Variants in ZMAT2 observed in about 807,000 individuals in gnomAD.
ZMAT2 encodes zinc finger matrin-type protein 2.
A neutral mutation model predicts 27.5 loss-of-function variants in ZMAT2; 5 were observed. The observed-to-expected ratio is 0.18, with a 90% CI of 0.10 to 0.38. The LOEUF (loss-of-function observed/expected upper bound fraction) is 0.38, where lower values mean the gene tolerates loss of function less well. Ranked by LOEUF, ZMAT2 falls within the 10% of genes least tolerant of loss-of-function variation. The pLI, the probability that ZMAT2 is intolerant of heterozygous loss-of-function variation, is 1.00. For missense variants in ZMAT2, 124 were observed against 243.9 expected, an observed-to-expected ratio of 0.51 and a Z score of 3.27; for synonymous variants, 76 against 78.6, an observed-to-expected ratio of 0.97 and a Z score of 0.17.
Position 140,704,363 on chromosome 5 carries a change from T to C in ZMAT2, c.311-63T>C. 1.9e-6 allele frequency: 3 copies of C among 1,543,760 alleles called. No individual in the cohort carries two copies. The South Asian group carries it at 3.7e-5, about 19-fold the overall frequency. On this transcript the variant is annotated intron_variant, in intron 4 of 5. Coordinates refer to ENST00000274712, the MANE Select transcript of ZMAT2 (RefSeq NM_144723.3). The stretch of plus-strand genomic sequence containing the variant: ...TGAGATGTCAGAGAAGTCAGGAAAA[T>C]AATTTTTGAGGGGCTGAGGATGTTG...
intron 3 of ZMAT2, 97 bp from the exon 4 acceptor site, chr5:140,703,821 T>C: frequency 8.7e-7 from 1 of 1,147,100 alleles, no homozygotes; most frequent in South Asian, 1.3e-5. Context: ...GCTTAACACT[T>C]CTAAAAAGAA....
chr5:140,703,170 C>G (rs1440074282), intron 3 of ZMAT2, among the ~76,000 whole-genome samples: 4 of 151,978 alleles, frequency 2.6e-5, no homozygotes, highest in Non-Finnish European at 4.4e-5. Context: ...AGCTCTCTCA[C>G]ATGCCTGTGG....
At chr5:140,700,669 G>T in intron 1 of ZMAT2, 150 bp from the exon 2 acceptor site, 1 of 1,279,404 alleles carries the variant, frequency 7.8e-7, no homozygotes, top group East Asian at 2.4e-5. Context: ...TCGGGTTGGG[G>T]TCTTGAGGCT....
chr5:140,703,831 A>G, intron 3 of ZMAT2, 87 bp from the exon 4 acceptor site: 1 of 1,230,382 alleles, frequency 8.1e-7, no homozygotes, highest in Non-Finnish European at 1.2e-6. Flanking sequence ...TCTAAAAAGA[A>G]GTTTACCTAA....
chr5:140,703,241 CT>C (rs34233013), intron 3 of ZMAT2, among the ~76,000 whole-genome samples: 133 of 138,694 alleles, frequency 9.6e-4, no homozygotes, highest in Middle Eastern at 3.8e-3. Context: ...TTTTTCTTTT[CT>C]TTTTTTTTTT....
intron 2 of ZMAT2, among the ~76,000 whole-genome samples, chr5:140,701,271 T>G (rs1381766137): frequency 2.6e-5 from 4 of 152,140 alleles, no homozygotes; most frequent in Non-Finnish European, 5.9e-5. Flanking sequence ...CTCTTTCCCT[T>G]GAAATTTCTT....
chr5:140,700,625 C>A, intron 1 of ZMAT2, 147 bp downstream of exon 1: 2 of 1,479,368 alleles, frequency 1.4e-6, no homozygotes, highest in Non-Finnish European at 1.8e-6. Context: ...AGTAATAGGC[C>A]TTGGCAGAGG....
Position 140,704,535 on chromosome 5 carries a change from T to C in ZMAT2, c.420T>C (p.Tyr140=), listed in dbSNP as rs1167969362. The change falls in exon 5 of 6, where the codon TAT becomes TAC. Residue 140 remains tyrosine (Y), a synonymous_variant. Transcript: ENST00000274712. The part of the protein sequence containing the change: ...KKKMEEKQKD[Y]DFEERMKELR... The stretch of plus-strand genomic sequence containing the variant: ...AGATGGAAGAGAAGCAGAAGGATTA[T>C]GATTTTGAGGAAAGGATGAAGGAGC... 3 of 1,613,934 alleles carry C rather than the reference T, an allele frequency of 1.9e-6. No homozygotes were observed. Among genetic ancestry groups the C allele is most frequent in the African/African-American group, 2.7e-5 (2 of 74,898 alleles).
At position 140,705,713 on chromosome 5, in the gene ZMAT2, T is replaced by C. The variant is rs1229146772; in HGVS notation, c.557T>C (p.Val186Ala). The C allele has an allele frequency of 3.1e-6, 5 of 1,613,998 alleles. No individual in the cohort carries two copies. Among genetic ancestry groups the C allele is most frequent in the Non-Finnish European group, 3.4e-6 (4 of 1,180,008 alleles). Residue 186 changes from valine (V) to alanine (A), a missense_variant, in exon 6 of 6, where the codon GTG becomes GCG. By Grantham distance (64) the Val-to-Ala change is moderately conservative. This residue lies in a region of ZMAT2 where 53 missense variants were observed against 82.3 expected (regional missense o/e 0.64). Transcript: ENST00000274712. Reference sequence around the variant, plus strand: ...GAGGAGGACGATGAGATGGCAGCTGTGATGGGCTTCTCTGGCTTTGGTTCC... The same window carrying C: ...GAGGAGGACGATGAGATGGCAGCTGCGATGGGCTTCTCTGGCTTTGGTTCC... ...TFEEDDEMAAVMGFSGFGSTK... is the reference protein window; with the variant it reads ...TFEEDDEMAAAMGFSGFGSTK...
intron 3 of ZMAT2, among the ~76,000 whole-genome samples, chr5:140,703,204 C>T (rs1385771466): frequency 2.6e-5 from 4 of 151,716 alleles, no homozygotes; most frequent in Non-Finnish European, 4.4e-5. Flanking sequence ...GTTCTTTGCC[C>T]CATAGACCTT....
intron 2 of ZMAT2, among the ~76,000 whole-genome samples, chr5:140,701,714 C>G (rs1422522278): frequency 6.6e-6 from 1 of 152,176 alleles, no homozygotes; most frequent in African/African-American, 2.4e-5. Context: ...AAAGTTGCTT[C>G]TAGTAATTCT....
rs754400349 is a variant in ZMAT2, at chr5:140,705,805, C to CGT, written c.*62_*63dup. The CGT allele has an allele frequency of 5.0e-4, 787 of 1,586,926 alleles. No individual in the cohort carries two copies. The highest frequency in any genetic ancestry group is 7.4e-4 in the East Asian group (33 of 44,354). Reference sequence around the variant, plus strand: ...TTGGCCTATGCTGGACCTAACTTTGCGTGTGTGTGTGTGTAGTAGGGGGTC... The same window carrying CGT: ...TTGGCCTATGCTGGACCTAACTTTGCGTGTGTGTGTGTGTGTAGTAGGGGGTC... On this transcript the variant is annotated 3_prime_UTR_variant, in exon 6 of 6. Transcript: ENST00000274712.
intron 3 of ZMAT2, 23 bp downstream of exon 3, chr5:140,702,152 T>C (rs751346149): frequency 6.2e-7 from 1 of 1,608,862 alleles, no homozygotes; most frequent in Admixed American, 1.7e-5. Flanking sequence ...TCATTTTTCC[T>C]CTGCAGCCAA....
chr5:140,705,804 GC>G lies in ZMAT2; in HGVS notation c.*49del. The stretch of plus-strand genomic sequence containing the variant: ...TTTGGCCTATGCTGGACCTAACTTT[GC>G]GTGTGTGTGTGTGTAGTAGGGGGTC... On this transcript the variant is annotated 3_prime_UTR_variant, in exon 6 of 6. Transcript: ENST00000274712. 1 of 1,599,098 alleles carries G rather than the reference GC, an allele frequency of 6.3e-7. No homozygotes were observed. The highest frequency in any genetic ancestry group is 1.8e-5 in the Admixed American group (1 of 56,684).
chr5:140,700,687 T>A lies in ZMAT2; in HGVS notation c.19-132T>A, dbSNP rs904101675. The A allele has an allele frequency of 1.2e-5, 15 of 1,282,896 alleles. No individual in the cohort carries two copies. In the African/African-American group the frequency reaches 2.1e-4, roughly 18 times the overall value. 79.5% of individuals were successfully genotyped at this position (1,282,896 alleles called of 1,614,324 possible). On this transcript the variant is annotated intron_variant, in intron 1 of 5. Transcript: ENST00000274712. ...GGTTGGGGTCTTGAGGCTACCTCAG[T>A]CTTCTCGTACAGTCCAAAGAGGCTT...
rs533684132 is a variant in ZMAT2 at position 140,706,375 on chromosome 5, T to A, written c.*619T>A. ...TGCCCTGGGGCCTGATGTTCTTGGC[T>A]TCCTCAGAGCATGTAACAGGAAATT... On this transcript the variant is annotated 3_prime_UTR_variant, in exon 6 of 6. Transcript: ENST00000274712. The A allele has an allele frequency of 1.3e-5, 2 of 152,948 alleles. No homozygotes were observed. The highest frequency in any genetic ancestry group is 4.1e-4 in the South Asian group (2 of 4,832). The allele number at this position is 152,948 out of a possible 1,614,324, so 9.5% of individuals were successfully genotyped here.
intron 3 of ZMAT2, among the ~76,000 whole-genome samples, chr5:140,703,467 C>T (rs1195414972): frequency 6.6e-6 from 1 of 152,078 alleles, no homozygotes; most frequent in Non-Finnish European, 1.5e-5. Flanking sequence ...CTCCCGACCT[C>T]AGGTGATCCG....
chr5:140,701,777 T>C (rs1759967872), intron 2 of ZMAT2, among the ~76,000 whole-genome samples: 1 of 152,212 alleles, frequency 6.6e-6, no homozygotes. Context: ...AACATACTGT[T>C]TTTAGATTTG....
At chr5:140,701,971 A>G (rs1222256218) in intron 2 of ZMAT2, 35 bp from the exon 3 acceptor site, 2 of 1,583,000 alleles carry the variant, frequency 1.3e-6, no homozygotes, top group Middle Eastern at 1.7e-4. Flanking sequence ...AGGAACTATA[A>G]TATTGAAGGG....
Sources: allele counts gnomAD v4.1 joint callset (sites outside exome capture counted in the v4.1 genomes callset), GRCh38; gene constraint gnomAD v4.1.1; regional missense constraint gnomAD v4.1.1; transcripts MANE v1.5; gene names NCBI Gene and HGNC (gene_info 2026-07-23, HGNC 2026-07-21).